Variants in IKBKB observed in about 807,000 individuals in gnomAD.
IKBKB encodes the protein inhibitor of nuclear factor kappa B kinase subunit beta.
IKBKB carries 42 observed loss-of-function variants against 113.6 expected under a neutral mutation model. That is an observed-to-expected ratio of 0.37 (90% CI 0.29 to 0.48). The LOEUF is 0.48. Ranked by LOEUF, IKBKB falls within the 20% of genes least tolerant of loss-of-function variation. The pLI, the probability that IKBKB is intolerant of heterozygous loss-of-function variation, is 0.99. For synonymous variants in IKBKB, 296 were observed against 361.3 expected, an observed-to-expected ratio of 0.82 and a Z score of 2.05; for missense variants, 673 against 939.7, an observed-to-expected ratio of 0.72 and a Z score of 3.71.
chr8:42,308,785 G>T (rs1292583457), intron 7 of IKBKB, 116 bp from the exon 8 acceptor site: 8 of 933,012 alleles, frequency 8.6e-6, no homozygotes, highest in Non-Finnish European at 1.3e-5. Flanking sequence ...CTGCATGCAT[G>T]TGCCAGTGCC....
At chr8:42,286,074 T>C (rs1467301613) in intron 2 of IKBKB, among the ~76,000 whole-genome samples, 1 of 152,196 alleles carries the variant, frequency 6.6e-6, no homozygotes, top group Non-Finnish European at 1.5e-5. Context: ...GCATGAATTA[T>C]TCTCAATAGA....
In IKBKB at chr8:42,332,029, A is replaced by G. The variant is rs2130747802; in HGVS notation, c.*1050A>G. 6.4e-6 allele frequency: 1 copy of G among 155,100 alleles called. No homozygotes were observed. Among genetic ancestry groups the G allele is most frequent in the East Asian group, 1.9e-4 (1 of 5,222 alleles). 9.6% of individuals were successfully genotyped at this position (155,100 alleles called of 1,614,324 possible). A position where few individuals can be genotyped will look rare whatever the true frequency, so the allele number is the denominator to read the frequency against. On this transcript the variant is annotated 3_prime_UTR_variant, in exon 22 of 22. Coordinates refer to ENST00000520810, the MANE Select transcript of IKBKB (RefSeq NM_001556.3). ...AATGGAAAATTTTAACAATTTGTAT[A>G]GTGCCTGGATCATTACTAGTGCCAT... is the stretch of plus-strand genomic sequence containing the variant.
chr8:42,290,009 C>A, intron 3 of IKBKB, 147 bp from the exon 4 acceptor site: 1 of 602,372 alleles, frequency 1.7e-6, no homozygotes, highest in African/African-American at 1.8e-5. Context: ...CCAGGCATTG[C>A]GGTTGGCCAC....
chr8:42,305,013 C>A, intron 5 of IKBKB, among the ~76,000 whole-genome samples, 174 bp from the exon 6 acceptor site: 1 of 152,246 alleles, frequency 6.6e-6, no homozygotes, highest in Non-Finnish European at 1.5e-5. Context: ...AAGCCAGATT[C>A]CTGTGGAAGT....
rs1346637751 is a variant in IKBKB at position 42,308,887 on chromosome 8, T to A, written c.568-14T>A. The A allele has an allele frequency of 6.2e-7, 1 of 1,613,248 alleles. No homozygotes were observed. Among genetic ancestry groups the A allele is most frequent in the Admixed American group, 1.7e-5 (1 of 59,950 alleles). On this transcript the variant is annotated splice_polypyrimidine_tract_variant and intron_variant, in intron 7 of 21. Transcript: ENST00000520810. ...AGAGGAGCAGCTCAGGTGTACCCCC[T>A]CCTGTTGCTGCAGGCCCCAGAGCTA...
chr8:42,326,943 G>A (rs1391372771), intron 20 of IKBKB, among the ~76,000 whole-genome samples: 2 of 152,114 alleles, frequency 1.3e-5, no homozygotes, highest in Admixed American at 6.5e-5. Flanking sequence ...GGGAAACACC[G>A]ATGATTACCT....
At chr8:42,297,262 C>T (rs1034649590) in intron 5 of IKBKB, among the ~76,000 whole-genome samples, 4 of 152,192 alleles carry the variant, frequency 2.6e-5, no homozygotes, top group East Asian at 3.8e-4. Context: ...GTGACTGAGC[C>T]GGAGTTCATC....
intron 4 of IKBKB, among the ~76,000 whole-genome samples, 182 bp from the exon 5 acceptor site, chr8:42,293,261 C>T (rs1299034669): frequency 6.6e-6 from 1 of 151,950 alleles, no homozygotes; most frequent in East Asian, 1.9e-4. Context: ...CCTCTTTCTC[C>T]TCCTCCTCCT....
chr8:42,276,843 G>A (rs1377260343), intron 2 of IKBKB, among the ~76,000 whole-genome samples: 2 of 144,348 alleles, frequency 1.4e-5, no homozygotes, highest in East Asian at 2.0e-4. Flanking sequence ...TACAGGCAGC[G>A]CCATCACACC....
Position 42,319,598 on chromosome 8 carries a change from G to T in IKBKB, c.1530G>T (p.Leu510=), listed in dbSNP as rs771201640. The T allele has an allele frequency of 6.3e-7, 1 of 1,591,498 alleles. No individual in the cohort carries two copies. The highest frequency in any genetic ancestry group is 1.8e-5 in the Admixed American group (1 of 54,226). The part of the protein sequence containing the change: ...QTEFGITSDK[L]LLAWREMEQA... ...ATTTTTTTTCAGCATCAGATAAACTGCTGCTGGCCTGGAGGGAAATGGAGC... is the reference window on the plus strand; with the variant it reads ...ATTTTTTTTCAGCATCAGATAAACTTCTGCTGGCCTGGAGGGAAATGGAGC... Residue 510 remains leucine (L), a synonymous_variant, in exon 15 of 22, where the codon CTG becomes CTT. Transcript: ENST00000520810.
Position 42,322,143 on chromosome 8 carries a change from A to AC in IKBKB, c.1829dup (p.Gln611AlafsTer4). ...CGAGAAGAAAGTGCGAGTGATCTATACGCAGCTCAGGTATGAGCCCCGACC... is the reference window on the plus strand; with the variant it reads ...CGAGAAGAAAGTGCGAGTGATCTATACCGCAGCTCAGGTATGAGCCCCGACC... On this transcript the variant is annotated frameshift_variant, in exon 18 of 22. Coordinates refer to ENST00000520810, the MANE Select transcript of IKBKB (RefSeq NM_001556.3). LOFTEE classifies it high-confidence loss of function. 1 of 1,613,168 alleles carries AC rather than the reference A, an allele frequency of 6.2e-7. No individual in the cohort carries two copies. Among genetic ancestry groups the AC allele is most frequent in the Non-Finnish European group, 8.5e-7 (1 of 1,179,360 alleles).
chr8:42,294,954 T>C (rs1451487315), intron 5 of IKBKB, among the ~76,000 whole-genome samples: 1 of 152,132 alleles, frequency 6.6e-6, no homozygotes, highest in Non-Finnish European at 1.5e-5. Flanking sequence ...GGTTAGCAGG[T>C]TGGGGAGTAT....
chr8:42,319,468 T>C (rs202107283), intron 14 of IKBKB, 47 bp downstream of exon 14: 1 of 1,608,724 alleles, frequency 6.2e-7, no homozygotes, highest in Non-Finnish European at 8.5e-7. Context: ...TTTTTTTTTC[T>C]TTTTCTCTTT....
At chr8:42,309,750 A>G (rs1345393351) in intron 8 of IKBKB, 1 of 149,894 alleles carries the variant, frequency 6.7e-6, no homozygotes, top group Non-Finnish European at 1.5e-5. Flanking sequence ...AAAAAGTTTA[A>G]AAAAAAAAAA....
At chr8:42,313,663 AAT>A (rs1282868018) in intron 8 of IKBKB, among the ~76,000 whole-genome samples, 2 of 152,224 alleles carry the variant, frequency 1.3e-5, no homozygotes, top group African/African-American at 4.8e-5. Context: ...AAGAGTGTGT[AAT>A]AGATGAAATA....
intron 5 of IKBKB, chr8:42,298,045 C>T (rs1814268571): frequency 1.5e-5 from 15 of 974,154 alleles, no homozygotes; most frequent in Non-Finnish European, 1.8e-5. Context: ...TATGGACTGC[C>T]ACGTAATGTG....
intron 21 of IKBKB, chr8:42,330,712 T>G (rs977318353): frequency 1.6e-5 from 9 of 558,254 alleles, no homozygotes; most frequent in Non-Finnish European, 2.0e-5. Flanking sequence ...GTTTCACCAT[T>G]TTGGCCAGGC....
rs1813063860 is a variant in IKBKB at position 42,293,410 on chromosome 8, C to T, written c.319-33C>T. ...TGGATTTCCGGTGGTTTGTGACCAC[C>T]AGCTCTGATGCTGCTTTTCACTTTC... On this transcript the variant is annotated intron_variant, in intron 4 of 21. Coordinates refer to ENST00000520810, the MANE Select transcript of IKBKB (RefSeq NM_001556.3). The T allele has an allele frequency of 1.9e-6, 3 of 1,610,826 alleles. No individual in the cohort carries two copies. The African/African-American group carries it at 4.0e-5, about 22-fold the overall frequency.
chr8:42,306,479 C>G, intron 7 of IKBKB, 47 bp downstream of exon 7: 1 of 1,276,286 alleles, frequency 7.8e-7, no homozygotes, highest in Non-Finnish European at 1.1e-6. Flanking sequence ...CTCCCTGCTG[C>G]TGCATTTGTG....
Sources: allele counts gnomAD v4.1 joint callset (sites outside exome capture counted in the v4.1 genomes callset), GRCh38; gene constraint gnomAD v4.1.1; transcripts MANE v1.5; gene names NCBI Gene and HGNC (gene_info 2026-07-23, HGNC 2026-07-21).